SDK1: variants seen among roughly 807,000 people sequenced by gnomAD.
SDK1 encodes the protein protein sidekick-1.
SDK1 carries 157 observed loss-of-function variants against 245.5 expected under a neutral mutation model. The ratio of observed to expected loss-of-function variants is 0.64; its 90% CI spans 0.56 to 0.73. The LOEUF (loss-of-function observed/expected upper bound fraction) is 0.73. Among genes scored for constraint, SDK1 ranks in the 30% least tolerant of loss-of-function variants. The probability of loss-of-function intolerance (pLI) is 0.00; values close to 1 mark genes in which losing one functional copy is unlikely to be tolerated. For missense variants in SDK1, 3,583 were observed against 3,002.3 expected (o/e 1.19, Z -4.52); for synonymous variants, 1,647 against 1,278.5 (o/e 1.29, Z -6.15).
At chr7:3,570,504 G>C (rs894550577) in intron 1 of SDK1, among the ~76,000 whole-genome samples, 18 of 152,150 alleles carry the variant, frequency 1.2e-4, no homozygotes, top group African/African-American at 3.9e-4. Context: ...CCTTAACTAA[G>C]GGATCCCTTT....
At chr7:4,248,476 C>T (rs1254114480) in intron 44 of SDK1, among the ~76,000 whole-genome samples, 1 of 151,798 alleles carries the variant, frequency 6.6e-6, no homozygotes, top group Non-Finnish European at 1.5e-5. Flanking sequence ...CACGTGCTTA[C>T]CTAAATACAC....
rs11424233 is a variant in SDK1, at chr7:3,559,757, CAAA to C, written c.299-59309_299-59307del. Reference sequence around the variant, plus strand: ...GAATAGAGATGACATTGTATTTTTTCAAAAAAAAAAAAAAAACACAAAAATCTA... The same window carrying C: ...GAATAGAGATGACATTGTATTTTTTCAAAAAAAAAAAAACACAAAAATCTA... On this transcript the variant is annotated intron_variant, in intron 1 of 44. Transcript: ENST00000404826. 7.6e-4 allele frequency among the ~76,000 whole-genome samples: 97 copies of C among 127,558 alleles called. 2 individuals are homozygous for C. The East Asian group carries it at 0.01, about 14-fold the overall frequency. 83.7% of individuals were successfully genotyped at this position (127,558 alleles called of 152,430 possible).
At chr7:4,015,895 G>A (rs763534013) in intron 16 of SDK1, among the ~76,000 whole-genome samples, 1 of 152,162 alleles carries the variant, frequency 6.6e-6, no homozygotes, top group Non-Finnish European at 1.5e-5. Flanking sequence ...GGCGGCAAGA[G>A]GGAACGGGAG....
rs986550399 is a variant in SDK1, at chr7:3,369,608, G to C, written c.298+67724G>C. Among the ~76,000 whole-genome samples the C allele has an allele frequency of 6.6e-5, 10 of 152,300 alleles. No homozygotes were observed. The East Asian group carries it at 1.5e-3, about 24-fold the overall frequency. ...TCTTTCTTTTACATCTCCTATTGAA[G>C]AATAGGATGTTGTATATAAGAGGAT... On this transcript the variant is annotated intron_variant, in intron 1 of 44. Coordinates refer to ENST00000404826, the MANE Select transcript of SDK1 (RefSeq NM_152744.4).
intron 1 of SDK1, among the ~76,000 whole-genome samples, chr7:3,336,813 C>T (rs778137402): frequency 6.6e-6 from 1 of 152,192 alleles, no homozygotes; most frequent in Non-Finnish European, 1.5e-5. Context: ...GCTGAACTCT[C>T]ACCCCATCTG....
intron 4 of SDK1, among the ~76,000 whole-genome samples, chr7:3,771,792 T>C (rs1780411707): frequency 6.6e-6 from 1 of 152,218 alleles, no homozygotes. Context: ...CATATTTGAA[T>C]GTATACTTCA....
intron 35 of SDK1, among the ~76,000 whole-genome samples, chr7:4,182,894 C>T (rs1295428618): frequency 6.6e-6 from 1 of 152,242 alleles, no homozygotes; most frequent in East Asian, 1.9e-4. Context: ...CTCCTGCCTG[C>T]AGCACAGACA....
intron 1 of SDK1, among the ~76,000 whole-genome samples, chr7:3,556,795 A>G (rs910391122): frequency 2.6e-5 from 4 of 152,156 alleles, no homozygotes; most frequent in Non-Finnish European, 5.9e-5. Flanking sequence ...TTCTGTTTCA[A>G]ATAAATAAAT....
At chr7:3,569,928 T>A (rs1162291221) in intron 1 of SDK1, among the ~76,000 whole-genome samples, 1 of 152,202 alleles carries the variant, frequency 6.6e-6, no homozygotes, top group Non-Finnish European at 1.5e-5. Context: ...ACCATCTCCT[T>A]TTCCTCTGTC....
intron 25 of SDK1, among the ~76,000 whole-genome samples, chr7:4,120,423 T>A (rs1487945974): frequency 2.0e-5 from 3 of 148,744 alleles, no homozygotes; most frequent in Non-Finnish European, 4.5e-5. Flanking sequence ...AGGTGACTAT[T>A]CAGGAACAAC....
chr7:3,514,751 C>A (rs368751734), intron 1 of SDK1, among the ~76,000 whole-genome samples: 2 of 152,106 alleles, frequency 1.3e-5, no homozygotes, highest in South Asian at 2.1e-4. Context: ...ACTGTAGGTA[C>A]GTGGAACAAG....
At chr7:4,184,759 GC>G (rs1210999929) in intron 35 of SDK1, among the ~76,000 whole-genome samples, 1 of 152,188 alleles carries the variant, frequency 6.6e-6, no homozygotes, top group Non-Finnish European at 1.5e-5. Flanking sequence ...AGGACCCAAC[GC>G]CAACAAGCTT....
intron 1 of SDK1, among the ~76,000 whole-genome samples, chr7:3,456,541 G>A (rs981330870): frequency 6.6e-6 from 1 of 151,992 alleles, no homozygotes; most frequent in Non-Finnish European, 1.5e-5. Context: ...GTATTTTTCA[G>A]TTCTTTAACT....
chr7:3,753,166 G>A (rs1779822460), intron 4 of SDK1, among the ~76,000 whole-genome samples: 1 of 152,098 alleles, frequency 6.6e-6, no homozygotes, highest in Non-Finnish European at 1.5e-5. Flanking sequence ...TAATAAGCTA[G>A]TTATGAGATT....
rs576658896 is a variant in SDK1, at chr7:4,073,412, A to C, written c.3011-3586A>C. 1.0e-3 allele frequency among the ~76,000 whole-genome samples: 159 copies of C among 152,346 alleles called. 1 individual carries two copies. Among genetic ancestry groups the C allele is most frequent in the African/African-American group, 3.6e-3 (151 of 41,582 alleles). On this transcript the variant is annotated intron_variant, in intron 20 of 44. Transcript: ENST00000404826. ...TTGGTTTTTGTTTGTATCCACAACC[A>C]TTTGAGCACACTATATTATCAATGT...
At chr7:3,628,140 T>C (rs1269552199) in intron 2 of SDK1, among the ~76,000 whole-genome samples, 1 of 152,130 alleles carries the variant, frequency 6.6e-6, no homozygotes, top group East Asian at 1.9e-4. Context: ...AGTTGACTCA[T>C]GTATAATCCC....
chr7:3,527,459 G>T (rs181202068), intron 1 of SDK1, among the ~76,000 whole-genome samples: 1 of 152,334 alleles, frequency 6.6e-6, no homozygotes, highest in Admixed American at 6.5e-5. Context: ...GGGCAGTTTA[G>T]GGAAGGGAGC....
At chr7:3,849,430 A>C (rs539548831) in intron 5 of SDK1, among the ~76,000 whole-genome samples, 1 of 152,208 alleles carries the variant, frequency 6.6e-6, no homozygotes, top group Non-Finnish European at 1.5e-5. Flanking sequence ...TATAGTTTCT[A>C]ATGGCAAGAA....
rs372687871 is a variant in SDK1, at chr7:3,720,229, C to G, written c.713+78124C>G. ...CAAGATTGTGCCATTGCACTCCAGC[C>G]TGGGCGACAGAGCGAGACTCTGTGT... is the stretch of plus-strand genomic sequence containing the variant. On this transcript the variant is annotated intron_variant, in intron 4 of 44. Transcript: ENST00000404826. Among the ~76,000 whole-genome samples, 177 of 152,062 alleles carry G rather than the reference C, an allele frequency of 1.2e-3. 1 individual carries two copies. Among genetic ancestry groups the G allele is most frequent in the African/African-American group, 3.8e-3 (158 of 41,458 alleles).
Sources: gnomAD v4.1 joint callset for allele counts (sites outside exome capture counted in the v4.1 genomes callset) on GRCh38, gnomAD v4.1.1 for gene constraint, MANE v1.5 for transcripts, NCBI Gene and HGNC (gene_info 2026-07-23, HGNC 2026-07-21) for gene names.